The following THEMIS variants were observed in gnomAD, a reference collection of about 807,000 sequenced individuals.
The protein encoded by THEMIS is thymocyte selection associated, also known as protein THEMIS.
In THEMIS, 37 loss-of-function variants were observed where a neutral mutation model predicts 52.6. The ratio of observed to expected loss-of-function variants is 0.70; its 90% CI spans 0.54 to 0.93. THEMIS has a LOEUF of 0.93. THEMIS is among the 40% of genes least tolerant of loss of function. The probability of loss-of-function intolerance (pLI) is 0.00; values close to 1 mark genes in which losing one functional copy is unlikely to be tolerated. For missense variants in THEMIS, 808 were observed against 763.1 expected (o/e 1.06, Z -0.69); for synonymous variants, 292 against 272.7 (o/e 1.07, Z -0.70).
intron 4 of THEMIS, among the ~76,000 whole-genome samples, chr6:127,768,789 T>A (rs1272957048): frequency 6.6e-6 from 1 of 152,350 alleles, no homozygotes; most frequent in African/African-American, 2.4e-5. Context: ...TACCTCGATG[T>A]AGCTGGATGA....
At chr6:127,825,676 T>G (rs898575964) in intron 3 of THEMIS, among the ~76,000 whole-genome samples, 1 of 152,162 alleles carries the variant, frequency 6.6e-6, no homozygotes, top group East Asian at 1.9e-4. Flanking sequence ...GCAGCACCTA[T>G]GCAGTTGGTC....
chr6:127,848,610 C>G (rs942591441), intron 2 of THEMIS, among the ~76,000 whole-genome samples: 5 of 151,916 alleles, frequency 3.3e-5, no homozygotes, highest in Admixed American at 2.6e-4. Context: ...TTTTAATGAT[C>G]GCCATTCTAA....
At chr6:127,703,755 G>A (rs1176766305), downstream of THEMIS, among the ~76,000 whole-genome samples, 3 of 152,194 alleles carry the variant, frequency 2.0e-5, no homozygotes, top group East Asian at 3.9e-4. Flanking sequence ...TAAGATTCTG[G>A]TGAGCTAAGG....
intron 2 of THEMIS, among the ~76,000 whole-genome samples, chr6:127,834,966 G>A (rs1467530897): frequency 2.0e-5 from 3 of 152,096 alleles, no homozygotes; most frequent in Non-Finnish European, 2.9e-5. Context: ...CTCTCTCCCA[G>A]GCAGCGAGAG....
intron 2 of THEMIS, among the ~76,000 whole-genome samples, chr6:127,851,473 G>T (rs941664538): frequency 2.0e-5 from 3 of 151,212 alleles, no homozygotes; most frequent in African/African-American, 7.3e-5. Flanking sequence ...AATATGTAAA[G>T]AATTCTTAAA....
At position 127,813,254 on chromosome 6, in the gene THEMIS, C is replaced by T. The variant is rs1047913832; in HGVS notation, c.1387G>A (p.Val463Ile). 2.5e-6 allele frequency: 4 copies of T among 1,614,132 alleles called. No individual in the cohort carries two copies. Among genetic ancestry groups the T allele is most frequent in the Non-Finnish European group, 3.4e-6 (4 of 1,180,018 alleles). ...FRLPFNVKVS[V>I]RDLSIEEDVL... ...TCCTCTTCAATGGAAAGATCCCTGA[C>T]AGACACCTTCACATTGAAGGGCAAA... Residue 463 changes from valine (V) to isoleucine (I), a missense_variant, in exon 4 of 6, where the codon GTC becomes ATC. By Grantham distance (29) the Val-to-Ile change is conservative. Coordinates refer to ENST00000368248, the MANE Select transcript of THEMIS (RefSeq NM_001010923.3).
intron 4 of THEMIS, among the ~76,000 whole-genome samples, chr6:127,782,854 C>T (rs1417090210): frequency 6.6e-6 from 1 of 152,156 alleles, no homozygotes; most frequent in East Asian, 1.9e-4. Context: ...CATCAAGCTA[C>T]CATGGATTTT....
At chr6:127,734,370 A>G (rs1422816238) in intron 4 of THEMIS, among the ~76,000 whole-genome samples, 1 of 152,206 alleles carries the variant, frequency 6.6e-6, no homozygotes, top group Non-Finnish European at 1.5e-5. Flanking sequence ...GTTTTCCAAA[A>G]AATCCAATGG....
Position 127,829,545 on chromosome 6 carries a change from G to A in THEMIS, c.640C>T (p.Pro214Ser), listed in dbSNP as rs766654832. The change falls in exon 3 of 6, where the codon CCA becomes TCA. Residue 214 changes from proline (P) to serine (S), a missense_variant. Transcript: ENST00000368248. ...GTACCATAAAAGTCTTTAGGAAATG[G>A]ATTCGTTGAGTCCCACTTATTTGAA... ...DFSNKWDSTNPFPKDFYGTLI... is the reference protein window; with the variant it reads ...DFSNKWDSTNSFPKDFYGTLI... The A allele has an allele frequency of 1.2e-6, 2 of 1,613,844 alleles. No individual in the cohort carries two copies. Among genetic ancestry groups the A allele is most frequent in the East Asian group, 2.2e-5 (1 of 44,854 alleles).
At chr6:127,828,751 A>C (rs1395786408) in intron 3 of THEMIS, among the ~76,000 whole-genome samples, 1 of 152,172 alleles carries the variant, frequency 6.6e-6, no homozygotes, top group Non-Finnish European at 1.5e-5. Flanking sequence ...CAAGAGATCG[A>C]GACCATCCTG....
chr6:127,904,610 ATAAT>A (rs1180557799), upstream of THEMIS, among the ~76,000 whole-genome samples: 7 of 152,066 alleles, frequency 4.6e-5, no homozygotes, highest in African/African-American at 1.4e-4. Context: ...TACAACATCT[ATAAT>A]TAAGTATGAA....
At chr6:127,877,598 C>T (rs9372883) in intron 1 of THEMIS, among the ~76,000 whole-genome samples, 15,975 of 152,182 alleles carry the variant, frequency 0.1, 1,278 homozygotes, top group East Asian at 0.43. Flanking sequence ...GTCGAGGGAG[C>T]AGTTGGACAC....
intron 4 of THEMIS, among the ~76,000 whole-genome samples, chr6:127,773,198 T>C (rs1425771201): frequency 1.3e-5 from 2 of 152,208 alleles, no homozygotes; most frequent in African/African-American, 2.4e-5. Context: ...CGTAGCTCTT[T>C]ATAACAGTCT....
the THEMIS span, among the ~76,000 whole-genome samples, chr6:127,703,046 T>TG: frequency 9.0e-6 from 1 of 111,550 alleles, no homozygotes; most frequent in African/African-American, 3.5e-5. Context: ...TTTTTTTTTT[T>TG]TTTTTTTTTT....
intron 2 of THEMIS, among the ~76,000 whole-genome samples, chr6:127,843,754 A>C (rs1284085407): frequency 6.6e-6 from 1 of 151,848 alleles, no homozygotes; most frequent in Non-Finnish European, 1.5e-5. Context: ...GTCACTTCTG[A>C]GATTAGGCCA....
downstream of THEMIS, among the ~76,000 whole-genome samples, chr6:127,706,491 A>T (rs1375788215): frequency 6.6e-6 from 1 of 152,156 alleles, no homozygotes; most frequent in Non-Finnish European, 1.5e-5. Context: ...TTCATTCAGC[A>T]AACACATATT....
intron 1 of THEMIS, among the ~76,000 whole-genome samples, chr6:127,871,678 T>C (rs1467421915): frequency 6.6e-6 from 1 of 152,068 alleles, no homozygotes; most frequent in Non-Finnish European, 1.5e-5. Context: ...CCACATAATT[T>C]GACAATTTAG....
At chr6:127,767,970 T>C (rs1776257027) in intron 4 of THEMIS, among the ~76,000 whole-genome samples, 1 of 152,122 alleles carries the variant, frequency 6.6e-6, no homozygotes, top group Non-Finnish European at 1.5e-5. Flanking sequence ...CTAAAGTCCT[T>C]ATGGGGCATG....
At chr6:127,897,595 C>T (rs1187077284) in intron 1 of THEMIS, among the ~76,000 whole-genome samples, 1 of 151,446 alleles carries the variant, frequency 6.6e-6, no homozygotes, top group Non-Finnish European at 1.5e-5. Flanking sequence ...CATGAGCTAC[C>T]ACTATACTCT....
Sources: allele counts gnomAD v4.1 joint callset (sites outside exome capture counted in the v4.1 genomes callset), GRCh38; gene constraint gnomAD v4.1.1; transcripts MANE v1.5; gene names NCBI Gene and HGNC (gene_info 2026-07-23, HGNC 2026-07-21).